Variants in SRP68 observed in about 807,000 individuals in gnomAD.
SRP68 encodes signal recognition particle 68, also known as signal recognition particle subunit SRP68.
Under a neutral mutation model 82.2 loss-of-function variants are expected in SRP68, and 15 were observed. That is an observed-to-expected ratio of 0.18 (90% CI 0.12 to 0.28). The LOEUF (loss-of-function observed/expected upper bound fraction) is 0.28. Ranked by LOEUF, SRP68 falls within the 10% of genes least tolerant of loss-of-function variation. SRP68 has a pLI of 1.00. For synonymous variants in SRP68, 261 were observed against 292.6 expected (o/e 0.89, Z 1.10); for missense variants, 595 against 780.5 (o/e 0.76, Z 2.83).
chr17:76,061,843 A>AAGAACAT (rs552330475), intron 4 of SRP68, among the ~76,000 whole-genome samples: 302 of 152,236 alleles, frequency 2.0e-3, no homozygotes, highest in Middle Eastern at 6.8e-3. Context: ...GAAGAAAAAA[A>AAGAACAT]AGAACATGGA....
chr17:76,047,271 T>TCACA (rs2066639167), intron 10 of SRP68, among the ~76,000 whole-genome samples: 1 of 152,080 alleles, frequency 6.6e-6, no homozygotes, highest in African/African-American at 2.4e-5. Flanking sequence ...GTGTGCACCA[T>TCACA]CACACCCAGC....
chr17:76,047,334 T>C (rs2066639543), intron 10 of SRP68, among the ~76,000 whole-genome samples: 1 of 152,170 alleles, frequency 6.6e-6, no homozygotes, highest in Admixed American at 6.6e-5. Context: ...TCCCAAAGTA[T>C]TGGGATTACA....
At chr17:76,062,503 A>ACATTATATAT (rs1485466323) in intron 4 of SRP68, among the ~76,000 whole-genome samples, 4 of 79,642 alleles carry the variant, frequency 5.0e-5, no homozygotes, top group East Asian at 3.1e-4. Flanking sequence ...TATATAATAT[A>ACATTATATAT]TATATAATAT....
In SRP68 at chr17:76,069,280, C is replaced by T. The variant is rs547533093; in HGVS notation, c.251+1098G>A. 5.9e-5 allele frequency among the ~76,000 whole-genome samples: 9 copies of T among 151,312 alleles called. No homozygotes were observed. In the South Asian group the frequency reaches 1.7e-3, roughly 28 times the overall value. ...GTGCATGCCTGTAGTCCCAGGTACT[C>T]GGGAGGCTGAGGCAGGAGAACTGCT... On this transcript the variant is annotated intron_variant, in intron 2 of 15. Transcript: ENST00000307877.
rs554426605 is a variant in SRP68 at position 76,071,092 on chromosome 17, G to A, written c.185-648C>T. ...ATTCTAAATGCTGACTATAATTGGG[G>A]TGCTTCACACCAATTAACACCTAGA... On this transcript the variant is annotated intron_variant, in intron 1 of 15. Transcript: ENST00000307877. The surrounding 1 kb of genome is among the most constrained non-coding windows in gnomAD (Gnocchi z 4.7). Among the ~76,000 whole-genome samples the A allele has an allele frequency of 6.6e-6, 1 of 152,162 alleles. No individual in the cohort carries two copies. The highest frequency in any genetic ancestry group is 2.1e-4 in the South Asian group (1 of 4,816).
intron 4 of SRP68, among the ~76,000 whole-genome samples, chr17:76,062,162 C>T (rs1017796797): frequency 4.6e-5 from 7 of 151,838 alleles, no homozygotes; most frequent in African/African-American, 1.7e-4. Flanking sequence ...CGGCAGGCGC[C>T]TGTAATCCCA....
At chr17:76,065,404 C>T (rs1234101249) in intron 3 of SRP68, among the ~76,000 whole-genome samples, 1 of 140,574 alleles carries the variant, frequency 7.1e-6, no homozygotes, top group Non-Finnish European at 1.5e-5. Flanking sequence ...CCCACTGCTA[C>T]ACTCCAGCCT....
In SRP68 at chr17:76,047,903, T is replaced by C; in HGVS notation, c.1142+3A>G. On this transcript the variant is annotated splice_donor_region_variant and intron_variant, in intron 10 of 15. Coordinates refer to ENST00000307877, the MANE Select transcript of SRP68 (RefSeq NM_014230.4). The stretch of plus-strand genomic sequence containing the variant: ...AAAGTAAAAAAATTAAAATAACCCT[T>C]ACCTATGCAAGTATTGAAGATTAGA... 6.6e-7 allele frequency: 1 copy of C among 1,504,774 alleles called. No homozygotes were observed. Among genetic ancestry groups the C allele is most frequent in the South Asian group, 1.4e-5 (1 of 71,776 alleles). The allele number at this position is 1,504,774 out of a possible 1,614,324, so 93.2% of individuals were successfully genotyped here.
At chr17:76,064,622 C>A (rs1294079618) in intron 3 of SRP68, among the ~76,000 whole-genome samples, 1 of 152,080 alleles carries the variant, frequency 6.6e-6, no homozygotes, top group Admixed American at 6.6e-5. Context: ...AGGCATATCA[C>A]CTGAGGTCAG....
intron 8 of SRP68, chr17:76,053,339 C>T (rs1027257254): frequency 6.2e-5 from 22 of 355,926 alleles, no homozygotes; most frequent in Non-Finnish European, 7.5e-5. Context: ...AGCTACGGCG[C>T]CCGTTTTAAT....
intron 13 of SRP68, among the ~76,000 whole-genome samples, chr17:76,041,997 C>T (rs1426138356): frequency 1.3e-5 from 2 of 152,222 alleles, no homozygotes; most frequent in African/African-American, 2.4e-5. Context: ...CATTCTCCTG[C>T]CTCAGCCTCC....
At chr17:76,063,880 A>G in intron 4 of SRP68, 96 bp downstream of exon 4, 1 of 1,123,380 alleles carries the variant, frequency 8.9e-7, no homozygotes, top group South Asian at 1.9e-5. Flanking sequence ...TCTGACTGTC[A>G]CTTTCTAACA....
chr17:76,057,697 G>T (rs541893259), intron 7 of SRP68, among the ~76,000 whole-genome samples, 154 bp from the exon 8 acceptor site: 6 of 152,024 alleles, frequency 3.9e-5, no homozygotes, highest in Admixed American at 6.6e-5. Context: ...TTTTTTTTGA[G>T]ACAGTCTTGC....
chr17:76,057,517 T>G lies in SRP68; in HGVS notation c.864A>C (p.Lys288Asn). 1 of 1,614,196 alleles carries G rather than the reference T, an allele frequency of 6.2e-7. No homozygotes were observed. The highest frequency in any genetic ancestry group is 8.5e-7 in the Non-Finnish European group (1 of 1,180,024). Residue 288 changes from lysine (K) to asparagine (N), a missense_variant, in exon 8 of 16, where the codon AAA (lysine) becomes AAC (asparagine). This residue lies in a region of SRP68 where 495 missense variants were observed against 688.6 expected (regional missense o/e 0.72). Coordinates refer to ENST00000307877, the MANE Select transcript of SRP68 (RefSeq NM_014230.4). ...LEALITQTRA[K>N]QAATMSEVEW... ...CCACTTCACTCATGGTAGCTGCCTG[T>G]TTGGCTCGAGTCTGAGTGATCAAAG...
intron 1 of SRP68, among the ~76,000 whole-genome samples, chr17:76,070,656 C>T (rs1471422433): frequency 6.6e-6 from 1 of 152,102 alleles, no homozygotes; most frequent in Non-Finnish European, 1.5e-5. Flanking sequence ...GCCTGGCCAG[C>T]ATGGTGAAAC....
At chr17:76,059,450 G>A (rs1189365956) in intron 7 of SRP68, among the ~76,000 whole-genome samples, 4 of 152,070 alleles carry the variant, frequency 2.6e-5, no homozygotes, top group Non-Finnish European at 4.4e-5. Flanking sequence ...GTTGAGGCAG[G>A]GGAATCGCTT....
At chr17:76,057,647 T>C in intron 7 of SRP68, 104 bp from the exon 8 acceptor site, 1 of 1,260,970 alleles carries the variant, frequency 7.9e-7, no homozygotes, top group Non-Finnish European at 1.1e-6. Context: ...ACCAACATAT[T>C]ATACTCCATA....
At position 76,061,074 on chromosome 17, in the gene SRP68, T is replaced by C. The variant is rs1281340118; in HGVS notation, c.754+36A>G. ...CTCCCAATAGGCCATCTATCAATGT[T>C]CAAGTTGAGTATAATGCCTTGATCC... On this transcript the variant is annotated intron_variant, in intron 6 of 15. Transcript: ENST00000307877. 6.9e-6 allele frequency: 9 copies of C among 1,303,920 alleles called. No individual in the cohort carries two copies. The South Asian group carries it at 1.1e-4, about 16-fold the overall frequency. The allele number at this position is 1,303,920 out of a possible 1,614,324, so 80.8% of individuals were successfully genotyped here.
Position 76,060,234 on chromosome 17 carries a change from C to T in SRP68, c.837+74G>A, listed in dbSNP as rs1404267525. 1.1e-5 allele frequency: 9 copies of T among 856,610 alleles called. No homozygotes were observed. The East Asian group carries it at 1.1e-4, about 10-fold the overall frequency. The allele number at this position is 856,610 out of a possible 1,614,324, so 53.1% of individuals were successfully genotyped here. ...ATATCCATATATTAATATCAAATAT[C>T]CCTAGGGGATTATGAATTACTCCTT... On this transcript the variant is annotated intron_variant, in intron 7 of 15. Transcript: ENST00000307877.
Sources: gnomAD v4.1 joint callset for allele counts (sites outside exome capture counted in the v4.1 genomes callset) on GRCh38, gnomAD v4.1.1 for gene constraint, gnomAD v4.1.1 regional missense constraint, Gnocchi (gnomAD v3.1) non-coding constraint, MANE v1.5 for transcripts, NCBI Gene and HGNC (gene_info 2026-07-23, HGNC 2026-07-21) for gene names.